STK3: variants seen among roughly 807,000 people sequenced by gnomAD.
The protein encoded by STK3 is serine/threonine-protein kinase 3.
STK3 carries 41 observed loss-of-function variants against 58.0 expected under a neutral mutation model. That is an observed-to-expected ratio of 0.71 (90% confidence interval 0.55 to 0.92). The LOEUF (loss-of-function observed/expected upper bound fraction) is 0.92, where lower values mean the gene tolerates loss of function less well. Ranked by LOEUF, STK3 falls within the 40% of genes least tolerant of loss-of-function variation. The pLI is 0.00. For synonymous variants in STK3, 170 were observed against 191.0 expected (o/e 0.89, Z 0.91); for missense variants, 479 against 602.7 (o/e 0.79, Z 2.15).
intron 4 of STK3, among the ~76,000 whole-genome samples, chr8:98,712,597 A>G (rs1269472632): frequency 6.6e-6 from 1 of 151,934 alleles, no homozygotes; most frequent in East Asian, 1.9e-4. Context: ...TCCTAAATAT[A>G]TATGCACCCA....
At chr8:98,575,989 TG>T (rs1346343029) in intron 8 of STK3, among the ~76,000 whole-genome samples, 4 of 152,222 alleles carry the variant, frequency 2.6e-5, no homozygotes, top group African/African-American at 7.2e-5. Flanking sequence ...AATAACCCTA[TG>T]TTTTTTTATA....
intron 10 of STK3, among the ~76,000 whole-genome samples, chr8:98,499,942 T>C (rs755974415): frequency 2.2e-4 from 34 of 152,154 alleles, no homozygotes; most frequent in Admixed American, 3.9e-4. Flanking sequence ...ATGTAAATCC[T>C]TGGAGACAAG....
chr8:98,714,166 C>G (rs2131135676), intron 4 of STK3, among the ~76,000 whole-genome samples: 1 of 152,286 alleles, frequency 6.6e-6, no homozygotes. Context: ...AACCCACAGC[C>G]AGTATCATAC....
At chr8:98,839,439 A>T (rs560966341) in intron 3 of STK3, among the ~76,000 whole-genome samples, 4 of 152,188 alleles carry the variant, frequency 2.6e-5, no homozygotes, top group Non-Finnish European at 5.9e-5. Flanking sequence ...GAAAGACTGA[A>T]TATTCAAACT....
chr8:98,662,918 T>G (rs576192118), intron 6 of STK3, among the ~76,000 whole-genome samples: 17 of 151,620 alleles, frequency 1.1e-4, no homozygotes, highest in Non-Finnish European at 1.8e-4. Context: ...CCTAAAACCA[T>G]AAAAACCCTA....
At chr8:98,692,197 G>A (rs1824462297) in intron 6 of STK3, among the ~76,000 whole-genome samples, 1 of 152,130 alleles carries the variant, frequency 6.6e-6, no homozygotes, top group Non-Finnish European at 1.5e-5. Context: ...AAATGGTACA[G>A]CTGCTGTGGA....
intron 1 of STK3, among the ~76,000 whole-genome samples, chr8:98,907,053 G>T (rs1437129195): frequency 6.6e-6 from 1 of 151,438 alleles, no homozygotes; most frequent in Non-Finnish European, 1.5e-5. Context: ...AGCTACTCCA[G>T]AGGCTGAGGT....
intron 2 of STK3, among the ~76,000 whole-genome samples, chr8:98,769,106 T>C (rs937621408): frequency 6.6e-6 from 1 of 152,264 alleles, no homozygotes; most frequent in Admixed American, 6.5e-5. Context: ...TACTAAATTC[T>C]TCATATCTAT....
At chr8:98,657,558 T>A (rs548776553) in intron 6 of STK3, among the ~76,000 whole-genome samples, 2 of 152,056 alleles carry the variant, frequency 1.3e-5, no homozygotes, top group Non-Finnish European at 2.9e-5. Flanking sequence ...AAAATAGATA[T>A]AAATACATTA....
intron 4 of STK3, among the ~76,000 whole-genome samples, chr8:98,738,806 C>T (rs183248013): frequency 2.6e-4 from 39 of 152,288 alleles, no homozygotes; most frequent in Admixed American, 1.3e-3. Context: ...ACTCGGGAAG[C>T]GCAAGGGGTT....
In STK3 at chr8:98,424,607, C is replaced by G. The variant is rs575512588; in HGVS notation, n.483+9520G>C. On this transcript the variant is annotated intron_variant and non_coding_transcript_variant, in intron 3 of 3. Transcript: ENST00000517832. ...AGAAAAACAGAAGGCAGAGGGCTCT[C>G]TCTCCATGGGTGAAATCTCCCACGA... Among the ~76,000 whole-genome samples the G allele has an allele frequency of 7.2e-5, 11 of 152,272 alleles. 1 individual carries two copies. The highest frequency in any genetic ancestry group is 6.5e-4 in the Admixed American group (10 of 15,304).
chr8:98,443,996 T>TTACCTATGGTTCCTCCA (rs1227608932), intron 1 of STK3, among the ~76,000 whole-genome samples: 1 of 152,238 alleles, frequency 6.6e-6, no homozygotes, highest in Non-Finnish European at 1.5e-5. Flanking sequence ...CACGTTTATT[T>TTACCTATGGTTCCTCCA]TACCTATGGT....
At chr8:98,509,835 A>G (rs1824366793) in intron 10 of STK3, among the ~76,000 whole-genome samples, 1 of 152,006 alleles carries the variant, frequency 6.6e-6, no homozygotes, top group Non-Finnish European at 1.5e-5. Flanking sequence ...AGTTACCTCA[A>G]TAACAAAGAT....
At chr8:98,419,744 A>C (rs944986947) in intron 3 of STK3, among the ~76,000 whole-genome samples, 2 of 152,172 alleles carry the variant, frequency 1.3e-5, no homozygotes, top group Non-Finnish European at 2.9e-5. Context: ...CCCAGTTTCT[A>C]TGATCTGCTT....
chr8:98,611,502 TAAGGCTTAATCTAC>T (rs1454456757), intron 6 of STK3, among the ~76,000 whole-genome samples: 1 of 152,116 alleles, frequency 6.6e-6, no homozygotes, highest in African/African-American at 2.4e-5. Flanking sequence ...CTAGGGAAAA[TAAGGCTTAATCTAC>T]AGCCTTGGCC....
intron 3 of STK3, among the ~76,000 whole-genome samples, chr8:98,831,684 G>T (rs1835538715): frequency 1.3e-5 from 2 of 152,170 alleles, no homozygotes; most frequent in South Asian, 2.1e-4. Context: ...GTTTTTATTT[G>T]CAGGAAAATT....
chr8:98,760,728 T>C (rs368642415), intron 3 of STK3, among the ~76,000 whole-genome samples: 1 of 150,644 alleles, frequency 6.6e-6, no homozygotes, highest in African/African-American at 2.5e-5. Context: ...TTTGAGGGGG[T>C]GGGGGGCTTC....
chr8:98,633,623 T>A, intron 6 of STK3: 1 of 738,418 alleles, frequency 1.4e-6, no homozygotes, highest in Non-Finnish European at 2.5e-6. Context: ...GGAACATTGG[T>A]GTTACAGCAG....
At chr8:98,456,522 A>C (rs898335606) in intron 10 of STK3, among the ~76,000 whole-genome samples, 1 of 152,240 alleles carries the variant, frequency 6.6e-6, no homozygotes. Flanking sequence ...GCGGGAAGTA[A>C]GGCTGAATAG....
Sources: allele counts gnomAD v4.1 joint callset (sites outside exome capture counted in the v4.1 genomes callset), GRCh38; gene constraint gnomAD v4.1.1; transcripts MANE v1.5; gene names NCBI Gene and HGNC (gene_info 2026-07-23, HGNC 2026-07-21).